The following ITGB1 variants were observed in gnomAD, a reference collection of about 807,000 sequenced individuals.
ITGB1 encodes integrin beta-1.
In ITGB1, 24 loss-of-function variants were observed where a neutral mutation model predicts 86.5. The ratio of observed to expected loss-of-function variants is 0.28; its 90% CI spans 0.20 to 0.39. The LOEUF (loss-of-function observed/expected upper bound fraction) is 0.39, where lower values mean the gene tolerates loss of function less well. Ranked by LOEUF, ITGB1 falls within the 10% of genes least tolerant of loss-of-function variation. The pLI is 1.00. For missense variants in ITGB1, 556 were observed against 946.9 expected (o/e 0.59, Z 5.42); for synonymous variants, 323 against 316.8 (o/e 1.02, Z -0.21).
At chr10:32,925,800 A>G in intron 6 of ITGB1, 71 bp downstream of exon 6, 1 of 940,774 alleles carries the variant, frequency 1.1e-6, no homozygotes, top group Non-Finnish European at 1.7e-6. Context: ...CTATTATCAT[A>G]GTAAAATCAC....
rs369114610 is a variant in ITGB1 at position 32,910,139 on chromosome 10, G to C, written c.2164+84C>G. On this transcript the variant is annotated intron_variant, in intron 14 of 15. Transcript: ENST00000302278. ...TTGACCTAAAATATTCCAGCTGGAGGCTGTTTCTGGATGTTAGGCCTAAAT... is the reference window on the plus strand; with the variant it reads ...TTGACCTAAAATATTCCAGCTGGAGCCTGTTTCTGGATGTTAGGCCTAAAT... The C allele has an allele frequency of 4.0e-5, 38 of 945,540 alleles. No individual in the cohort carries two copies. In the African/African-American group the frequency reaches 6.1e-4, roughly 15 times the overall value. The allele number at this position is 945,540 out of a possible 1,614,324, so 58.6% of individuals were successfully genotyped here.
intron 15 of ITGB1, among the ~76,000 whole-genome samples, chr10:32,904,783 TAG>T (rs1183809089): frequency 1.3e-5 from 2 of 152,206 alleles, no homozygotes; most frequent in African/African-American, 4.8e-5. Context: ...CAATAATGCA[TAG>T]AGAAATTTTT....
intron 14 of ITGB1, 107 bp from the exon 15 acceptor site, chr10:32,908,641 G>T: frequency 1.1e-6 from 1 of 879,966 alleles, no homozygotes; most frequent in East Asian, 2.6e-5. Context: ...CTATCCCAAA[G>T]AATCTATAAA....
chr10:32,956,697 C>T (rs917812069), intron 1 of ITGB1, among the ~76,000 whole-genome samples: 1 of 152,114 alleles, frequency 6.6e-6, no homozygotes, highest in Non-Finnish European at 1.5e-5. Flanking sequence ...AACAGAGACC[C>T]TGTCTCAAAA....
chr10:32,940,788 C>T (rs927178692), intron 1 of ITGB1, among the ~76,000 whole-genome samples: 15 of 152,186 alleles, frequency 9.9e-5, no homozygotes, highest in Admixed American at 7.9e-4. Flanking sequence ...AGAAGTACAT[C>T]GGTTTACTAC....
intron 15 of ITGB1, 103 bp downstream of exon 15, chr10:32,908,259 AATACTT>A: frequency 9.2e-7 from 1 of 1,084,404 alleles, no homozygotes; most frequent in Non-Finnish European, 1.4e-6. Flanking sequence ...GGGGGAATAA[AATACTT>A]AGAAAGGACT....
intron 14 of ITGB1, 64 bp from the exon 15 acceptor site, chr10:32,908,598 A>G: frequency 7.3e-7 from 1 of 1,364,214 alleles, no homozygotes; most frequent in Non-Finnish European, 1.0e-6. Flanking sequence ...TAAAAAACAT[A>G]CAGGAATAAA....
intron 1 of ITGB1, chr10:32,951,568 A>G (rs1227638184): frequency 6.6e-6 from 1 of 152,212 alleles, no homozygotes; most frequent in African/African-American, 2.4e-5. Flanking sequence ...CTATAAACAA[A>G]GCTATTAAGC....
At chr10:32,903,809 T>C (rs1232108272) in intron 15 of ITGB1, among the ~76,000 whole-genome samples, 1 of 152,182 alleles carries the variant, frequency 6.6e-6, no homozygotes, top group East Asian at 1.9e-4. Context: ...AAACTGGATT[T>C]TGGCAACTAC....
At chr10:32,951,397 G>A (rs189862958) in intron 1 of ITGB1, among the ~76,000 whole-genome samples, 90 of 151,872 alleles carry the variant, frequency 5.9e-4, no homozygotes, top group African/African-American at 2.0e-3. Flanking sequence ...ACAGACAACT[G>A]GTACAGCACC....
chr10:32,932,657 T>C, intron 2 of ITGB1, 57 bp from the exon 3 acceptor site: 4 of 1,004,392 alleles, frequency 4.0e-6, no homozygotes, highest in Non-Finnish European at 6.4e-6. Flanking sequence ...GAGAAAATAA[T>C]GAAAAATCAG....
At chr10:32,918,484 G>A (rs544571004) in intron 11 of ITGB1, among the ~76,000 whole-genome samples, 1 of 152,246 alleles carries the variant, frequency 6.6e-6, no homozygotes, top group South Asian at 2.1e-4. Context: ...ACAAGTCACA[G>A]TCGTGTAGTA....
intron 3 of ITGB1, among the ~76,000 whole-genome samples, chr10:32,931,621 T>C (rs1297954109): frequency 6.6e-6 from 1 of 152,108 alleles, no homozygotes; most frequent in Non-Finnish European, 1.5e-5. Context: ...AAAACACCAT[T>C]AGAAAATTTT....
chr10:32,908,338 A>C (rs2094902869), intron 15 of ITGB1, 30 bp downstream of exon 15: 2 of 1,606,944 alleles, frequency 1.2e-6, no homozygotes, highest in African/African-American at 2.7e-5. Flanking sequence ...TTTATAAGCC[A>C]CTTTGCTTTT....
chr10:32,935,702 A>G (rs887778696), intron 1 of ITGB1, 144 bp from the exon 2 acceptor site: 4 of 621,794 alleles, frequency 6.4e-6, no homozygotes, highest in South Asian at 2.1e-5. Flanking sequence ...CCCTCTCCAC[A>G]GACCCTCGCC....
intron 1 of ITGB1, among the ~76,000 whole-genome samples, chr10:32,950,630 C>T (rs1201710066): frequency 2.0e-5 from 3 of 151,960 alleles, no homozygotes; most frequent in Non-Finnish European, 4.4e-5. Flanking sequence ...ATTTGAAGTC[C>T]TCTTCTCCTC....
chr10:32,947,754 T>C (rs1593887085), intron 1 of ITGB1, among the ~76,000 whole-genome samples: 1 of 152,354 alleles, frequency 6.6e-6, no homozygotes, highest in South Asian at 2.1e-4. Flanking sequence ...CATCTACCGT[T>C]GTACAACATT....
At position 32,900,477 on chromosome 10, in the gene ITGB1, TAAAAC is replaced by T. The variant is rs2094878880; in HGVS notation, c.*1088_*1092del. ...GTGAACTGTTAAAACTAAAGGCACT[TAAAAC>T]AAGAATGTGACTAGTGTGAAACAAG... On this transcript the variant is annotated 3_prime_UTR_variant, in exon 16 of 16. Coordinates refer to ENST00000302278, the MANE Select transcript of ITGB1 (RefSeq NM_002211.4). 1 of 151,020 alleles carries T rather than the reference TAAAAC, an allele frequency of 6.6e-6. No individual in the cohort carries two copies. The highest frequency in any genetic ancestry group is 2.1e-4 in the South Asian group (1 of 4,718). The allele number at this position is 151,020 out of a possible 1,614,324, so 9.4% of individuals were successfully genotyped here.
chr10:32,926,153 A>G (rs761522499), intron 5 of ITGB1, 44 bp from the exon 6 acceptor site: 2 of 1,301,202 alleles, frequency 1.5e-6, no homozygotes, highest in South Asian at 2.4e-5. Context: ...ATGGATGGAT[A>G]GATGGAAAGA....
Sources: gnomAD v4.1 joint callset for allele counts (sites outside exome capture counted in the v4.1 genomes callset) on GRCh38, gnomAD v4.1.1 for gene constraint, MANE v1.5 for transcripts, NCBI Gene and HGNC (gene_info 2026-07-23, HGNC 2026-07-21) for gene names.